Variants in LINGO2 observed in about 807,000 individuals in gnomAD.
The protein encoded by LINGO2 is leucine-rich repeat and immunoglobulin-like domain-containing nogo receptor-interacting protein 2.
Under a neutral mutation model 30.6 loss-of-function variants are expected in LINGO2, and 14 were observed. That is an observed-to-expected ratio of 0.46 (90% confidence interval 0.30 to 0.72). The LOEUF (loss-of-function observed/expected upper bound fraction) is 0.72, where lower values mean the gene tolerates loss of function less well. Among genes scored for constraint, LINGO2 ranks in the 30% least tolerant of loss-of-function variants. LINGO2 has a pLI of 0.07. For missense variants in LINGO2, 729 were observed against 751.7 expected, an observed-to-expected ratio of 0.97 and a Z score of 0.35; for synonymous variants, 317 against 288.5, an observed-to-expected ratio of 1.10 and a Z score of -1.00.
At chr9:28,338,188 G>A (rs144528623) in intron 3 of LINGO2, among the ~76,000 whole-genome samples, 2 of 152,300 alleles carry the variant, frequency 1.3e-5, no homozygotes, top group African/African-American at 4.8e-5. Flanking sequence ...ATGTGAGACA[G>A]GAGTCAAAGG....
chr9:29,076,848 A>T, the LINGO2 span, among the ~76,000 whole-genome samples: 1 of 151,908 alleles, frequency 6.6e-6, no homozygotes, highest in Non-Finnish European at 1.5e-5. Context: ...AATATTTAAA[A>T]TGTGTTCAGA....
chr9:29,016,421 G>A, the LINGO2 span, among the ~76,000 whole-genome samples: 1 of 152,270 alleles, frequency 6.6e-6, no homozygotes, highest in African/African-American at 2.4e-5. Flanking sequence ...TGTATACACT[G>A]ACCAGGAACA....
chr9:28,028,515 A>C (rs934308040), intron 4 of LINGO2, among the ~76,000 whole-genome samples: 1 of 152,154 alleles, frequency 6.6e-6, no homozygotes, highest in Non-Finnish European at 1.5e-5. Flanking sequence ...AGATTATAAC[A>C]ATATACATAA....
At chr9:28,611,829 A>AT (rs915736967) in intron 1 of LINGO2, among the ~76,000 whole-genome samples, 35 of 149,244 alleles carry the variant, frequency 2.3e-4, no homozygotes, top group South Asian at 1.7e-3. Flanking sequence ...TTATTTATTT[A>AT]TTTTTTTTTG....
At chr9:28,057,872 C>A (rs1372589291) in intron 4 of LINGO2, among the ~76,000 whole-genome samples, 3 of 152,010 alleles carry the variant, frequency 2.0e-5, no homozygotes, top group Non-Finnish European at 2.9e-5. Flanking sequence ...GAAATCAGCT[C>A]AAGCGTTGTC....
chr9:28,992,662 T>G, the LINGO2 span, among the ~76,000 whole-genome samples: 7 of 151,756 alleles, frequency 4.6e-5, no homozygotes, highest in African/African-American at 1.5e-4. Flanking sequence ...ATAACAAACT[T>G]TCTCTCAGAC....
At chr9:28,998,395 G>C in the LINGO2 span, among the ~76,000 whole-genome samples, 2 of 151,976 alleles carry the variant, frequency 1.3e-5, no homozygotes, top group South Asian at 4.2e-4. Flanking sequence ...CTTTAATTAT[G>C]TTTTCCCTTT....
At chr9:28,803,469 CAA>C in the LINGO2 span, among the ~76,000 whole-genome samples, 7 of 151,588 alleles carry the variant, frequency 4.6e-5, no homozygotes, top group Admixed American at 4.6e-4. Flanking sequence ...TAATTCTGAA[CAA>C]AGAGTTGACA....
At chr9:28,276,926 C>T (rs764462674) in intron 4 of LINGO2, among the ~76,000 whole-genome samples, 3 of 152,016 alleles carry the variant, frequency 2.0e-5, no homozygotes, top group Non-Finnish European at 4.4e-5. Flanking sequence ...TGATATGAGT[C>T]AGTAGTGAAA....
chr9:27,956,920 T>G (rs7031153), intron 5 of LINGO2, among the ~76,000 whole-genome samples: 82,457 of 151,740 alleles, frequency 0.54, 23,711 homozygotes, highest in Non-Finnish European at 0.62. Flanking sequence ...GAGCAAGATC[T>G]CATATCTACA....
At chr9:28,079,608 A>G (rs1385757565) in intron 4 of LINGO2, among the ~76,000 whole-genome samples, 1 of 152,210 alleles carries the variant, frequency 6.6e-6, no homozygotes, top group Admixed American at 6.5e-5. Flanking sequence ...TCTTGTTTAT[A>G]AAAAGATACC....
downstream of LINGO2, chr9:27,943,635 A>G (rs1394569856): frequency 1.3e-5 from 2 of 148,686 alleles, no homozygotes; most frequent in Non-Finnish European, 3.0e-5. Flanking sequence ...TTTTAAAGCA[A>G]TTTCCAGTTT....
chr9:28,548,922 A>C (rs1024581996), intron 1 of LINGO2, among the ~76,000 whole-genome samples: 5 of 151,854 alleles, frequency 3.3e-5, no homozygotes, highest in African/African-American at 1.2e-4. Flanking sequence ...AAATTGGGTA[A>C]TATTCCAAAA....
chr9:28,723,759 A>AT, the LINGO2 span, among the ~76,000 whole-genome samples: 9 of 152,026 alleles, frequency 5.9e-5, no homozygotes, highest in Non-Finnish European at 1.0e-4. Context: ...AGATGTTTGC[A>AT]TTTTTTCATA....
At chr9:28,488,256 A>G (rs1156741815) in intron 1 of LINGO2, among the ~76,000 whole-genome samples, 3 of 152,184 alleles carry the variant, frequency 2.0e-5, no homozygotes, top group Admixed American at 6.6e-5. Context: ...GTGCCTGCAG[A>G]ACTCTAAAAA....
the LINGO2 span, among the ~76,000 whole-genome samples, chr9:29,164,781 C>G: frequency 1.3e-5 from 2 of 151,926 alleles, no homozygotes; most frequent in Non-Finnish European, 2.9e-5. Flanking sequence ...TGTATATCTG[C>G]AAAGTATAAG....
At chr9:28,452,574 A>G (rs567644124) in intron 2 of LINGO2, among the ~76,000 whole-genome samples, 26 of 151,966 alleles carry the variant, frequency 1.7e-4, no homozygotes, top group Admixed American at 3.9e-4. Flanking sequence ...CATGCAATAC[A>G]CTGTTAGCAT....
At chr9:28,126,939 A>G (rs572166982) in intron 4 of LINGO2, among the ~76,000 whole-genome samples, 1 of 152,352 alleles carries the variant, frequency 6.6e-6, no homozygotes, top group South Asian at 2.1e-4. Context: ...AAATAAATGT[A>G]TACCTAACAT....
the LINGO2 span, among the ~76,000 whole-genome samples, chr9:29,170,501 C>G: frequency 6.6e-6 from 1 of 152,018 alleles, no homozygotes; most frequent in African/African-American, 2.4e-5. Flanking sequence ...GTATACTATT[C>G]AGGTAAACAG....
Sources: allele counts gnomAD v4.1 joint callset (sites outside exome capture counted in the v4.1 genomes callset), GRCh38; gene constraint gnomAD v4.1.1; transcripts MANE v1.5; gene names NCBI Gene and HGNC (gene_info 2026-07-23, HGNC 2026-07-21).